Variants in PDE4D observed in about 807,000 individuals in gnomAD.
PDE4D encodes 3',5'-cyclic-AMP phosphodiesterase 4D.
Under a neutral mutation model 87.4 loss-of-function variants are expected in PDE4D, and 24 were observed. The ratio of observed to expected loss-of-function variants is 0.27; its 90% CI spans 0.20 to 0.39. The LOEUF (loss-of-function observed/expected upper bound fraction) is 0.39. Among genes scored for constraint, PDE4D ranks in the 10% least tolerant of loss-of-function variants. The pLI, the probability that PDE4D is intolerant of heterozygous loss-of-function variation, is 1.00. For synonymous variants in PDE4D, 384 were observed against 383.2 expected, an observed-to-expected ratio of 1.00 and a Z score of -0.02; for missense variants, 714 against 1,041.0, an observed-to-expected ratio of 0.69 and a Z score of 4.32.
At chr5:60,430,630 G>T in intron 1 of PDE4D, 1 of 208,966 alleles carries the variant, frequency 4.8e-6, no homozygotes, top group Non-Finnish European at 9.4e-6. Flanking sequence ...GTGGAGGGAA[G>T]GTCAGCAGAT....
intron 2 of PDE4D, among the ~76,000 whole-genome samples, chr5:60,181,296 T>A (rs1451178080): frequency 6.6e-6 from 1 of 152,118 alleles, no homozygotes; most frequent in Non-Finnish European, 1.5e-5. Flanking sequence ...GTTTACCAAG[T>A]TTGTACAATT....
intron 1 of PDE4D, among the ~76,000 whole-genome samples, chr5:59,394,609 C>CTTT (rs10626837): frequency 0.42 from 63,742 of 151,816 alleles, 13,660 homozygotes; most frequent in East Asian, 0.49. Flanking sequence ...TACAATTGTG[C>CTTT]TTTATTACTA....
chr5:59,952,587 C>G (rs961515742), intron 3 of PDE4D, among the ~76,000 whole-genome samples: 2 of 152,168 alleles, frequency 1.3e-5, no homozygotes, highest in Non-Finnish European at 2.9e-5. Flanking sequence ...TTGAAGGATA[C>G]TTGTTGTTGA....
chr5:59,559,227 T>C (rs1453952459), intron 1 of PDE4D, among the ~76,000 whole-genome samples: 1 of 152,204 alleles, frequency 6.6e-6, no homozygotes, highest in Non-Finnish European at 1.5e-5. Flanking sequence ...AATTTTGCCT[T>C]TTGAGCAAAA....
At chr5:60,007,896 A>G (rs900673904) in intron 2 of PDE4D, among the ~76,000 whole-genome samples, 1 of 151,924 alleles carries the variant, frequency 6.6e-6, no homozygotes, top group Non-Finnish European at 1.5e-5. Flanking sequence ...GCTCTCAAAG[A>G]GCATATATTC....
At chr5:59,275,790 C>T (rs982547046) in intron 1 of PDE4D, 2 of 991,670 alleles carry the variant, frequency 2.0e-6, no homozygotes, top group Non-Finnish European at 2.4e-6. Flanking sequence ...AGGTTTCTGA[C>T]ACTCGAAGAG....
At chr5:59,557,898 C>A (rs1027849504) in intron 1 of PDE4D, among the ~76,000 whole-genome samples, 14 of 152,050 alleles carry the variant, frequency 9.2e-5, no homozygotes, top group African/African-American at 3.4e-4. Context: ...ACCAGCAGTA[C>A]CTGGATTCAG....
chr5:59,962,893 T>A lies in PDE4D; in HGVS notation c.272+25595A>T, dbSNP rs568536582. Among the ~76,000 whole-genome samples, 55 of 152,328 alleles carry A rather than the reference T, an allele frequency of 3.6e-4. 2 individuals are homozygous for A. In the South Asian group the frequency reaches 0.011, roughly 30 times the overall value. On this transcript the variant is annotated intron_variant, in intron 3 of 16. Coordinates refer to the PDE4D transcript ENST00000502484. ...TGGGCTTGTATTATATTAGTAATTG[T>A]TATTTTTGCTCTTAAAGGGAATTCC...
At chr5:59,838,650 C>A (rs1581355559) in intron 1 of PDE4D, among the ~76,000 whole-genome samples, 1 of 152,056 alleles carries the variant, frequency 6.6e-6, no homozygotes, top group South Asian at 2.1e-4. Context: ...TCTCCTGAAA[C>A]TTCCGTCATG....
At chr5:60,289,065 T>C (rs1236617934) in intron 1 of PDE4D, among the ~76,000 whole-genome samples, 2 of 152,198 alleles carry the variant, frequency 1.3e-5, no homozygotes, top group African/African-American at 2.4e-5. Context: ...CCGTCTCACA[T>C]TGAGAACACC....
intron 1 of PDE4D, among the ~76,000 whole-genome samples, chr5:59,731,885 T>A (rs1757406830): frequency 6.6e-6 from 1 of 152,214 alleles, no homozygotes; most frequent in African/African-American, 2.4e-5. Flanking sequence ...TATTCATTAA[T>A]TTGGTGTAAA....
At chr5:60,363,984 C>T (rs974621248) in intron 1 of PDE4D, among the ~76,000 whole-genome samples, 1 of 152,108 alleles carries the variant, frequency 6.6e-6, no homozygotes, top group Non-Finnish European at 1.5e-5. Flanking sequence ...TGGGCTGGCC[C>T]AAGTAGGTGG....
At chr5:59,577,029 A>G (rs986857308) in intron 1 of PDE4D, among the ~76,000 whole-genome samples, 1 of 152,066 alleles carries the variant, frequency 6.6e-6, no homozygotes, top group Non-Finnish European at 1.5e-5. Context: ...CATTACGCCA[A>G]TTATTTGTTT....
chr5:59,133,618 C>T (rs570944500), intron 5 of PDE4D, among the ~76,000 whole-genome samples: 63 of 152,326 alleles, frequency 4.1e-4, no homozygotes, highest in African/African-American at 1.5e-3. Flanking sequence ...CTCCCCAGGT[C>T]AGCTCTGCCC....
intron 1 of PDE4D, among the ~76,000 whole-genome samples, chr5:59,752,710 A>G (rs1760654895): frequency 6.6e-6 from 1 of 152,114 alleles, no homozygotes; most frequent in Admixed American, 6.6e-5. Flanking sequence ...ACCTCCTACA[A>G]TGCACAGGAG....
At chr5:59,404,751 C>T (rs1791326905) in intron 1 of PDE4D, among the ~76,000 whole-genome samples, 2 of 151,256 alleles carry the variant, frequency 1.3e-5, no homozygotes, top group Admixed American at 6.6e-5. Context: ...AGTTTGAAGT[C>T]TTAGATTTAA....
At position 60,430,211 on chromosome 5, in the gene PDE4D, G is replaced by C. The variant is rs190909202; in HGVS notation, c.-90+57731C>G. On this transcript the variant is annotated intron_variant, in intron 1 of 16. Transcript: ENST00000502484. ...TTATGAATGTTGATGGGATATTCTC[G>C]GGTCACCATCTCGTTGATGGCGAAT... 320 of 520,876 alleles carry C rather than the reference G, an allele frequency of 6.1e-4. 1 individual carries two copies. Among genetic ancestry groups the C allele is most frequent in the African/African-American group, 5.4e-3 (283 of 52,010 alleles). 32.3% of individuals were successfully genotyped at this position (520,876 alleles called of 1,614,324 possible). A position where few individuals can be genotyped will look rare whatever the true frequency, so the allele number is the denominator to read the frequency against.
At chr5:60,275,591 G>GT (rs75942936) in intron 1 of PDE4D, among the ~76,000 whole-genome samples, 3,472 of 144,978 alleles carry the variant, frequency 0.024, 152 homozygotes, top group Admixed American at 0.11. Flanking sequence ...TTGAACTCAT[G>GT]TTTTTTTTTT....
chr5:60,105,593 T>C (rs1462116642), intron 2 of PDE4D, among the ~76,000 whole-genome samples: 3 of 151,770 alleles, frequency 2.0e-5, no homozygotes, highest in African/African-American at 7.3e-5. Context: ...AAGGAAAAAA[T>C]GTTAAGGGCA....
Sources: allele counts gnomAD v4.1 joint callset (sites outside exome capture counted in the v4.1 genomes callset), GRCh38; gene constraint gnomAD v4.1.1; transcripts MANE v1.5; gene names NCBI Gene and HGNC (gene_info 2026-07-23, HGNC 2026-07-21).